SMPDL3A: variants seen among roughly 807,000 people sequenced by gnomAD.
SMPDL3A encodes sphingomyelin phosphodiesterase acid like 3A.
Under a neutral mutation model 38.5 loss-of-function variants are expected in SMPDL3A, and 39 were observed. The observed-to-expected ratio is 1.01, with a 90% CI of 0.78 to 1.32. SMPDL3A has a LOEUF of 1.32. SMPDL3A is among the 40% of genes most tolerant of loss of function. SMPDL3A has a pLI of 0.00. For missense variants in SMPDL3A, 502 were observed against 536.2 expected (o/e 0.94, Z 0.63); for synonymous variants, 180 against 194.3 (o/e 0.93, Z 0.61).
At position 122,795,697 on chromosome 6, in the gene SMPDL3A, GACTTAC is replaced by G. The variant is rs1562348650; in HGVS notation, c.139_144del (p.His47_Leu48del). 6.2e-7 allele frequency: 1 copy of G among 1,614,062 alleles called. No homozygotes were observed. Among genetic ancestry groups the G allele is most frequent in the Non-Finnish European group, 8.5e-7 (1 of 1,179,976 alleles). On this transcript the variant is annotated inframe_deletion, in exon 2 of 8. Transcript: ENST00000368440. ...AACAGGACAGTTTTGGCATGTGACT[GACTTAC>G]ACTTAGACCCTACTTACCACATCAC...
intron 7 of SMPDL3A, 88 bp from the exon 8 acceptor site, chr6:122,809,001 TCA>T: frequency 9.5e-7 from 1 of 1,047,804 alleles, no homozygotes; most frequent in Non-Finnish European, 1.4e-6. Flanking sequence ...GCCTAAAATG[TCA>T]CAGAAATTTA....
chr6:122,797,962 T>C (rs1461872689), intron 3 of SMPDL3A, among the ~76,000 whole-genome samples: 1 of 152,166 alleles, frequency 6.6e-6, no homozygotes, highest in African/African-American at 2.4e-5. Flanking sequence ...CTGTGTTCGC[T>C]TAAACCAACA....
chr6:122,808,436 T>C (rs1039280610), intron 7 of SMPDL3A, among the ~76,000 whole-genome samples: 1 of 152,210 alleles, frequency 6.6e-6, no homozygotes, highest in African/African-American at 2.4e-5. Context: ...ACACCACTGA[T>C]ACACACAACC....
At chr6:122,796,162 A>G (rs1163896301) in intron 2 of SMPDL3A, among the ~76,000 whole-genome samples, 1 of 152,180 alleles carries the variant, frequency 6.6e-6, no homozygotes, top group Non-Finnish European at 1.5e-5. Flanking sequence ...AGGTGTTGAT[A>G]TTAGGTCTTC....
chr6:122,789,502 C>A lies in SMPDL3A; in HGVS notation c.112+44C>A, dbSNP rs775396334. On this transcript the variant is annotated intron_variant, in intron 1 of 7. Transcript: ENST00000368440. ...TTCTCTTCCCAGCCGGCAAAGAGCG[C>A]GGAGCGGCGGCGCCTGCGCACAGCA... 7.4e-6 allele frequency: 11 copies of A among 1,483,712 alleles called. No individual in the cohort carries two copies. The African/African-American group carries it at 1.5e-4, about 21-fold the overall frequency. The allele number at this position is 1,483,712 out of a possible 1,614,324, so 91.9% of individuals were successfully genotyped here. A position where few individuals can be genotyped will look rare whatever the true frequency, so the allele number is the denominator to read the frequency against.
At chr6:122,791,748 C>T (rs1781083544) in intron 1 of SMPDL3A, among the ~76,000 whole-genome samples, 1 of 152,162 alleles carries the variant, frequency 6.6e-6, no homozygotes, top group Non-Finnish European at 1.5e-5. Flanking sequence ...GGCTGGACTG[C>T]AGTGGCGCAA....
In SMPDL3A at chr6:122,809,121, G is replaced by C; in HGVS notation, c.1075G>C (p.Glu359Gln). 2 of 1,614,144 alleles carry C rather than the reference G, an allele frequency of 1.2e-6. No individual in the cohort carries two copies. Among genetic ancestry groups the C allele is most frequent in the South Asian group, 2.2e-5 (2 of 91,084 alleles). ...DMLQYYLNLTEANLKGESIWK... is the reference protein window; with the variant it reads ...DMLQYYLNLTQANLKGESIWK... ...GTTGCAGTATTACTTGAATCTGACA[G>C]AGGCGAATCTAAAGGGAGAGTCCAT... Residue 359 changes from glutamate (E) to glutamine (Q), a missense_variant, in exon 8 of 8, where the codon GAG (glutamate) becomes CAG (glutamine). Physicochemically the swap from Glu to Gln is conservative, Grantham distance 29. Coordinates refer to ENST00000368440, the MANE Select transcript of SMPDL3A (RefSeq NM_006714.5).
At chr6:122,807,459 A>G (rs1781669166) in intron 7 of SMPDL3A, among the ~76,000 whole-genome samples, 1 of 152,174 alleles carries the variant, frequency 6.6e-6, no homozygotes. Context: ...AGATTGCGCC[A>G]CTGCACTCCA....
At chr6:122,794,650 G>T (rs1781185596) in intron 1 of SMPDL3A, among the ~76,000 whole-genome samples, 1 of 152,070 alleles carries the variant, frequency 6.6e-6, no homozygotes, top group African/African-American at 2.4e-5. Context: ...AAGTAAGGGT[G>T]CTATCAAATG....
At position 122,804,953 on chromosome 6, in the gene SMPDL3A, A is replaced by G. The variant is rs758852773; in HGVS notation, c.783A>G (p.Ser261=). ...AHVPVGYLPS[S]QNITAMREYY... ...TTCCAGTGGGGTATCTGCCATCTTC[A>G]CAGAACATCACAGCAATGAGAGAAT... The change falls in exon 6 of 8, where the codon TCA becomes TCG. Residue 261 remains serine (S), a synonymous_variant. Coordinates refer to ENST00000368440, the MANE Select transcript of SMPDL3A (RefSeq NM_006714.5). The G allele has an allele frequency of 6.2e-7, 1 of 1,613,130 alleles. No individual in the cohort carries two copies. Among genetic ancestry groups the G allele is most frequent in the Non-Finnish European group, 8.5e-7 (1 of 1,179,730 alleles).
chr6:122,807,395 A>C (rs1415432830), intron 7 of SMPDL3A, among the ~76,000 whole-genome samples: 1 of 152,146 alleles, frequency 6.6e-6, no homozygotes, highest in Non-Finnish European at 1.5e-5. Flanking sequence ...GCTACTCGGG[A>C]GGCTGAGGCA....
At chr6:122,790,021 C>G in intron 1 of SMPDL3A, 1 of 206,968 alleles carries the variant, frequency 4.8e-6, no homozygotes, top group Non-Finnish European at 8.5e-6. Context: ...AGACTCACCC[C>G]TTAGTCTACC....
At chr6:122,803,942 A>AT (rs970842715) in intron 5 of SMPDL3A, 109 bp downstream of exon 5, 57 of 874,698 alleles carry the variant, frequency 6.5e-5, no homozygotes, top group African/African-American at 1.6e-4. Flanking sequence ...TAATTTGAAG[A>AT]TTTTTTTTGC....
intron 1 of SMPDL3A, 81 bp downstream of exon 1, chr6:122,789,539 G>C: frequency 8.0e-7 from 1 of 1,251,588 alleles, no homozygotes; most frequent in South Asian, 1.3e-5. Flanking sequence ...GAGAAAGTGC[G>C]TGGGGGCAGC....
intron 5 of SMPDL3A, 104 bp downstream of exon 5, chr6:122,803,937 TGAA>T: frequency 1.0e-6 from 1 of 970,034 alleles, no homozygotes; most frequent in South Asian, 1.8e-5. Context: ...TATTATAATT[TGAA>T]GATTTTTTTT....
At position 122,789,402 on chromosome 6, in the gene SMPDL3A, C is replaced by G; in HGVS notation, c.56C>G (p.Ser19Cys). ...CTGCTGACTGCCTGGCACTGCCGCT[C>G]CGGCCTCGGGCTGCCCGTGGCGCCC... ...CCLLTAWHCR[S>C]GLGLPVAPAG... The change falls in exon 1 of 8, where the codon TCC (serine) becomes TGC (cysteine). Residue 19 changes from serine (S) to cysteine (C), a missense_variant. Transcript: ENST00000368440. The G allele has an allele frequency of 6.5e-7, 1 of 1,549,382 alleles. No homozygotes were observed. Among genetic ancestry groups the G allele is most frequent in the Non-Finnish European group, 8.7e-7 (1 of 1,146,368 alleles).
chr6:122,803,582 T>A, intron 4 of SMPDL3A, 82 bp from the exon 5 acceptor site: 1 of 1,026,596 alleles, frequency 9.7e-7, no homozygotes, highest in South Asian at 1.5e-5. Flanking sequence ...CTGACTGGAT[T>A]GTAAACCTCA....
intron 3 of SMPDL3A, among the ~76,000 whole-genome samples, chr6:122,800,894 G>T (rs986364404): frequency 3.9e-5 from 6 of 152,120 alleles, no homozygotes; most frequent in African/African-American, 1.4e-4. Flanking sequence ...ATGATTATGG[G>T]TGCTCACCAC....
At chr6:122,803,901 G>T in intron 5 of SMPDL3A, 68 bp downstream of exon 5, 2 of 1,309,844 alleles carry the variant, frequency 1.5e-6, no homozygotes, top group South Asian at 1.3e-5. Flanking sequence ...TATTAAACTC[G>T]GGGTAGACTC....
Sources: allele counts gnomAD v4.1 joint callset (sites outside exome capture counted in the v4.1 genomes callset), GRCh38; gene constraint gnomAD v4.1.1; transcripts MANE v1.5; gene names NCBI Gene and HGNC (gene_info 2026-07-23, HGNC 2026-07-21).